Variants in TNFSF11 observed in about 807,000 individuals in gnomAD.
The protein encoded by TNFSF11 is TNF superfamily member 11, also known as tumor necrosis factor ligand superfamily member 11.
In TNFSF11, 12 loss-of-function variants were observed where a neutral mutation model predicts 32.2. That is an observed-to-expected ratio of 0.37 (90% CI 0.24 to 0.60). TNFSF11 has a LOEUF of 0.60. Among genes scored for constraint, TNFSF11 ranks in the 20% least tolerant of loss-of-function variants. The pLI, the probability that TNFSF11 is intolerant of heterozygous loss-of-function variation, is 0.66. For synonymous variants in TNFSF11, 172 were observed against 152.1 expected (o/e 1.13, Z -0.96); for missense variants, 345 against 398.0 (o/e 0.87, Z 1.13).
rs1246308812 is a variant in TNFSF11 at position 42,574,294 on chromosome 13, G to A, written c.-10G>A. The A allele has an allele frequency of 3.5e-5, 54 of 1,546,502 alleles. No individual in the cohort carries two copies. Among genetic ancestry groups the A allele is most frequent in the Non-Finnish European group, 4.4e-5 (50 of 1,145,948 alleles). On this transcript the variant is annotated 5_prime_UTR_variant, in exon 1 of 5. Transcript: ENST00000398795. ...GGGAGGAGAGCTCCGAAGCGAGAGG[G>A]CCGAGCGCCATGCGCCGCGCCAGCA...
intron 2 of TNFSF11, among the ~76,000 whole-genome samples, chr13:42,586,541 T>A (rs1873909581): frequency 6.6e-6 from 1 of 152,218 alleles, no homozygotes; most frequent in Non-Finnish European, 1.5e-5. Flanking sequence ...CAGTCACATT[T>A]TCATCAGGCT....
chr13:42,582,430 C>T (rs948000752), intron 2 of TNFSF11, among the ~76,000 whole-genome samples: 4 of 152,098 alleles, frequency 2.6e-5, no homozygotes, highest in Non-Finnish European at 5.9e-5. Context: ...ATCTAAGTTA[C>T]CAATTTTCAG....
intron 2 of TNFSF11, among the ~76,000 whole-genome samples, chr13:42,583,193 G>A (rs1311191366): frequency 1.3e-5 from 2 of 151,716 alleles, no homozygotes; most frequent in Admixed American, 6.6e-5. Flanking sequence ...GGAGGATCAC[G>A]TGAGTCCAGG....
chr13:42,577,975 C>T (rs1346969443), intron 1 of TNFSF11, among the ~76,000 whole-genome samples: 3 of 152,180 alleles, frequency 2.0e-5, no homozygotes, highest in Non-Finnish European at 2.9e-5. Flanking sequence ...ATTGGTTACT[C>T]AGTTTACTGT....
At position 42,607,444 on chromosome 13, in the gene TNFSF11, A is replaced by C. The variant is rs758284755; in HGVS notation, c.*526A>C. 5.2e-5 allele frequency: 8 copies of C among 153,204 alleles called. No homozygotes were observed. Among genetic ancestry groups the C allele is most frequent in the African/African-American group, 1.7e-4 (7 of 41,450 alleles). 9.5% of individuals were successfully genotyped at this position (153,204 alleles called of 1,614,324 possible). The stretch of plus-strand genomic sequence containing the variant: ...TTCTTTGCAAAGTATTGTAAATTAT[A>C]TTTGTGCTATAGTATTTGATTCAAA... On this transcript the variant is annotated 3_prime_UTR_variant, in exon 5 of 5. Coordinates refer to ENST00000398795, the MANE Select transcript of TNFSF11 (RefSeq NM_003701.4).
intron 1 of TNFSF11, among the ~76,000 whole-genome samples, chr13:42,564,563 A>G (rs1872801578): frequency 4.6e-5 from 7 of 151,002 alleles, no homozygotes; most frequent in Admixed American, 2.6e-4. Context: ...ATGAAACTCC[A>G]TTTCAAAAAA....
intron 2 of TNFSF11, among the ~76,000 whole-genome samples, chr13:42,597,493 C>T (rs935086269): frequency 9.2e-5 from 14 of 152,154 alleles, no homozygotes; most frequent in Middle Eastern, 6.8e-3. Flanking sequence ...AGTTCATTCC[C>T]GGGTAGAAGA....
At chr13:42,591,842 C>A (rs1205303600) in intron 2 of TNFSF11, among the ~76,000 whole-genome samples, 1 of 152,170 alleles carries the variant, frequency 6.6e-6, no homozygotes, top group Non-Finnish European at 1.5e-5. Flanking sequence ...TAAGGATGAG[C>A]TATTGATGAA....
chr13:42,594,236 G>A (rs1188766330), intron 2 of TNFSF11, among the ~76,000 whole-genome samples: 2 of 151,828 alleles, frequency 1.3e-5, no homozygotes, highest in Non-Finnish European at 2.9e-5. Flanking sequence ...CTGCCACCAT[G>A]CCCAGATAAT....
intron 1 of TNFSF11, among the ~76,000 whole-genome samples, chr13:42,577,787 C>G (rs1873395671): frequency 6.6e-6 from 1 of 152,134 alleles, no homozygotes; most frequent in Non-Finnish European, 1.5e-5. Context: ...GTAGCACAAA[C>G]GTCAAGCATC....
intron 1 of TNFSF11, among the ~76,000 whole-genome samples, chr13:42,579,819 A>C (rs1873514087): frequency 6.8e-6 from 1 of 146,624 alleles, no homozygotes; most frequent in African/African-American, 2.5e-5. Flanking sequence ...AAAAATACAG[A>C]TTGTACACAG....
At chr13:42,603,643 C>T (rs1393590209) in intron 4 of TNFSF11, among the ~76,000 whole-genome samples, 3 of 152,144 alleles carry the variant, frequency 2.0e-5, no homozygotes, top group African/African-American at 7.2e-5. Flanking sequence ...CCTCTGGCTT[C>T]TCTGCCCCTT....
chr13:42,571,274 T>A (rs1462913373), upstream of TNFSF11, among the ~76,000 whole-genome samples: 1 of 152,208 alleles, frequency 6.6e-6, no homozygotes, highest in Non-Finnish European at 1.5e-5. Context: ...GTTGGAGAGA[T>A]GAGCGCTCCA....
At chr13:42,597,010 A>G (rs1868845291) in intron 2 of TNFSF11, among the ~76,000 whole-genome samples, 1 of 152,202 alleles carries the variant, frequency 6.6e-6, no homozygotes, top group Non-Finnish European at 1.5e-5. Flanking sequence ...CTGCCTACAA[A>G]ACTTCAGTTA....
At chr13:42,587,564 G>A (rs537468793) in intron 2 of TNFSF11, among the ~76,000 whole-genome samples, 1 of 152,334 alleles carries the variant, frequency 6.6e-6, no homozygotes, top group Non-Finnish European at 1.5e-5. Flanking sequence ...TAGATTGCAA[G>A]AGAGTGAGAG....
intron 2 of TNFSF11, among the ~76,000 whole-genome samples, chr13:42,592,246 C>T (rs986346592): frequency 1.5e-4 from 23 of 152,324 alleles, no homozygotes; most frequent in Admixed American, 7.8e-4. Context: ...GACTGTCCCA[C>T]TTCAGATGCC....
intron 2 of TNFSF11, among the ~76,000 whole-genome samples, chr13:42,599,152 G>T (rs942288102): frequency 8.5e-5 from 13 of 152,164 alleles, no homozygotes; most frequent in African/African-American, 2.7e-4. Flanking sequence ...CTTCAGAACA[G>T]GTCAGTGAAG....
Position 42,607,073 on chromosome 13 carries a change from A to G in TNFSF11, c.*155A>G. ...CCATGCTCTTGACCTTGTAGAGAACACGCGTATTTACAGCCAGTGGGAGAT... is the reference window on the plus strand; with the variant it reads ...CCATGCTCTTGACCTTGTAGAGAACGCGCGTATTTACAGCCAGTGGGAGAT... On this transcript the variant is annotated 3_prime_UTR_variant, in exon 5 of 5. Transcript: ENST00000398795. The G allele has an allele frequency of 2.3e-6, 2 of 877,820 alleles. No individual in the cohort carries two copies. The highest frequency in any genetic ancestry group is 3.5e-6 in the Non-Finnish European group (2 of 575,822). 54.4% of individuals were successfully genotyped at this position (877,820 alleles called of 1,614,324 possible). A position where few individuals can be genotyped will look rare whatever the true frequency, so the allele number is the denominator to read the frequency against.
chr13:42,600,635 T>C (rs528531211), intron 2 of TNFSF11, 117 bp from the exon 3 acceptor site: 84 of 1,120,684 alleles, frequency 7.5e-5, no homozygotes, highest in Admixed American at 3.6e-4. Context: ...AATGTTACTA[T>C]GGCACCTTTG....
Sources: gnomAD v4.1 joint callset for allele counts (sites outside exome capture counted in the v4.1 genomes callset) on GRCh38, gnomAD v4.1.1 for gene constraint, MANE v1.5 for transcripts, NCBI Gene and HGNC (gene_info 2026-07-23, HGNC 2026-07-21) for gene names.